Variants in PLEKHG7 observed in about 807,000 individuals in gnomAD.
The protein encoded by PLEKHG7 is pleckstrin homology and RhoGEF domain containing G7.
In PLEKHG7, 77 loss-of-function variants were observed where a neutral mutation model predicts 85.2. The observed-to-expected ratio is 0.90, with a 90% confidence interval of 0.75 to 1.09. The LOEUF (loss-of-function observed/expected upper bound fraction) is 1.09. PLEKHG7 is among the 50% of genes least tolerant of loss of function. PLEKHG7 has a pLI of 0.00. For synonymous variants in PLEKHG7, 301 were observed against 302.4 expected (o/e 1.00, Z 0.05); for missense variants, 777 against 804.3 (o/e 0.97, Z 0.41).
chr12:92,721,437 C>A (rs1592675262), intron 3 of PLEKHG7: 2 of 1,229,710 alleles, frequency 1.6e-6, no homozygotes, highest in East Asian at 6.3e-5. Context: ...AGGAGACGTT[C>A]TGGTACCAGA....
chr12:92,741,008 C>A, intron 8 of PLEKHG7, 60 bp downstream of exon 8: 2 of 1,244,552 alleles, frequency 1.6e-6, no homozygotes, highest in Non-Finnish European at 2.3e-6. Context: ...AAAATTCATG[C>A]TTGGTCTGTT....
intron 3 of PLEKHG7, chr12:92,721,576 G>GGGC: frequency 4.2e-6 from 2 of 477,016 alleles, no homozygotes; most frequent in Non-Finnish European, 6.3e-6. Context: ...TGGGGGTGGG[G>GGGC]AAAGCCAGTG....
chr12:92,738,947 G>C (rs1872265600), intron 7 of PLEKHG7, among the ~76,000 whole-genome samples: 1 of 152,308 alleles, frequency 6.6e-6, no homozygotes, highest in East Asian at 1.9e-4. Context: ...GCACGTAATA[G>C]AAAACTAGCT....
intron 4 of PLEKHG7, among the ~76,000 whole-genome samples, chr12:92,729,423 A>G (rs1324210497): frequency 6.7e-6 from 1 of 148,886 alleles, no homozygotes; most frequent in Non-Finnish European, 1.5e-5. Context: ...AGCATCCTAG[A>G]TCAGAGTGCC....
intron 4 of PLEKHG7, among the ~76,000 whole-genome samples, chr12:92,730,578 TG>T (rs1342170094): frequency 6.6e-6 from 1 of 152,190 alleles, no homozygotes; most frequent in Non-Finnish European, 1.5e-5. Context: ...CCACCACGCC[TG>T]GCTAATTTTT....
At chr12:92,708,396 A>G (rs909238385) in intron 3 of PLEKHG7, 1 of 152,252 alleles carries the variant, frequency 6.6e-6, no homozygotes, top group African/African-American at 2.4e-5. Flanking sequence ...AGTAAGGATA[A>G]CATCCATGTA....
At chr12:92,714,936 C>T (rs1213865806) in intron 3 of PLEKHG7, among the ~76,000 whole-genome samples, 1 of 152,086 alleles carries the variant, frequency 6.6e-6, no homozygotes, top group East Asian at 1.9e-4. Flanking sequence ...AGAACTCCAT[C>T]CTTAATACTC....
rs755910406 is a variant in PLEKHG7, at chr12:92,706,934, C to G, written c.303C>G (p.Pro101=). The change falls in exon 2 of 17, where the codon CCC becomes CCG. Residue 101 remains proline (P), a synonymous_variant. Transcript: ENST00000344636. The stretch of plus-strand genomic sequence containing the variant: ...AGGATTCTTCACACTTGCTGTCACC[C>G]TTGAGACTCCACTCAAGATTGACCT... ...SPKDSSHLLS[P]LRLHSRLTSE... The G allele has an allele frequency of 6.2e-6, 10 of 1,614,166 alleles. No homozygotes were observed. Among genetic ancestry groups the G allele is most frequent in the Non-Finnish European group, 8.5e-6 (10 of 1,180,012 alleles).
chr12:92,749,839 A>G (rs543882974), intron 10 of PLEKHG7: 47 of 150,718 alleles, frequency 3.1e-4, no homozygotes, highest in African/African-American at 9.7e-4. Flanking sequence ...TCCCACTAAG[A>G]CAAATTTATT....
In PLEKHG7 at chr12:92,742,294, T is replaced by C. The variant is rs557025235; in HGVS notation, c.1137+702T>C. Among the ~76,000 whole-genome samples, 5 of 152,236 alleles carry C rather than the reference T, an allele frequency of 3.3e-5. No individual in the cohort carries two copies. The East Asian group carries it at 7.7e-4, about 23-fold the overall frequency. On this transcript the variant is annotated intron_variant, in intron 9 of 16. Transcript: ENST00000344636. ...CTTGCTTTTAAGAAATTGTAAGTCT[T>C]GTAGGGGAGAAATTAATCCAATAAT...
intron 10 of PLEKHG7, among the ~76,000 whole-genome samples, chr12:92,746,169 A>G (rs962679111): frequency 6.6e-6 from 1 of 152,176 alleles, no homozygotes; most frequent in Non-Finnish European, 1.5e-5. Flanking sequence ...TGACTTCTCT[A>G]ATTCTGTTGG....
intron 9 of PLEKHG7, among the ~76,000 whole-genome samples, chr12:92,741,954 A>G (rs1436745907): frequency 6.6e-6 from 1 of 152,252 alleles, no homozygotes; most frequent in Non-Finnish European, 1.5e-5. Flanking sequence ...TCTCAGAAAG[A>G]AACAGAATAA....
chr12:92,757,125 G>A (rs1394966401), intron 13 of PLEKHG7, among the ~76,000 whole-genome samples: 1 of 152,230 alleles, frequency 6.6e-6, no homozygotes, highest in Admixed American at 6.5e-5. Context: ...CTGACTGCCT[G>A]GCTCACTCCC....
chr12:92,750,255 T>C (rs990400011), intron 10 of PLEKHG7, among the ~76,000 whole-genome samples: 1 of 152,074 alleles, frequency 6.6e-6, no homozygotes, highest in East Asian at 1.9e-4. Flanking sequence ...AAAGGCCTTT[T>C]ATGTCCAATC....
In PLEKHG7 at chr12:92,756,324, C is replaced by T; in HGVS notation, c.1569C>T (p.His523=). ...GTTTGAAACACATTTTTAAAGAACACATGGCAGAAAACATCTTGTCACCAA... is the reference window on the plus strand; with the variant it reads ...GTTTGAAACACATTTTTAAAGAACATATGGCAGAAAACATCTTGTCACCAA... The part of the protein sequence containing the change: ...PECLKHIFKE[H]MAENILSPTS... The change falls in exon 13 of 17, where the codon CAC becomes CAT. Residue 523 remains histidine, a synonymous_variant. Coordinates refer to ENST00000344636, the MANE Select transcript of PLEKHG7 (RefSeq NM_001377329.1). 6.2e-7 allele frequency: 1 copy of T among 1,611,860 alleles called. No individual in the cohort carries two copies. Among genetic ancestry groups the T allele is most frequent in the Non-Finnish European group, 8.5e-7 (1 of 1,178,012 alleles).
chr12:92,719,977 C>T (rs1483244049), intron 3 of PLEKHG7, among the ~76,000 whole-genome samples: 2 of 152,122 alleles, frequency 1.3e-5, no homozygotes, highest in Non-Finnish European at 2.9e-5. Context: ...AACGGTGGCC[C>T]GGGGAAGCGA....
chr12:92,746,328 T>A (rs1223409885), intron 10 of PLEKHG7, among the ~76,000 whole-genome samples: 1 of 152,214 alleles, frequency 6.6e-6, no homozygotes, highest in Non-Finnish European at 1.5e-5. Context: ...GAGCATGACC[T>A]CAGAGGCTTG....
intron 13 of PLEKHG7, among the ~76,000 whole-genome samples, chr12:92,759,906 A>G (rs569882665): frequency 6.6e-5 from 10 of 152,146 alleles, no homozygotes; most frequent in Admixed American, 1.3e-4. Context: ...AAGATAGTTT[A>G]TTTCTCTCTT....
chr12:92,755,812 T>C lies in PLEKHG7; in HGVS notation c.1427-13T>C, dbSNP rs1255939847. On this transcript the variant is annotated splice_polypyrimidine_tract_variant and intron_variant, in intron 11 of 16. Transcript: ENST00000344636. ...TGCACCTAAAAATATACTGACTATG[T>C]CATGTCTTTCAGGGGACCTTGAAGG... is the stretch of plus-strand genomic sequence containing the variant. 4.5e-6 allele frequency: 7 copies of C among 1,540,682 alleles called. No individual in the cohort carries two copies. Among genetic ancestry groups the C allele is most frequent in the East Asian group, 2.2e-5 (1 of 44,504 alleles).
Sources: allele counts gnomAD v4.1 joint callset (sites outside exome capture counted in the v4.1 genomes callset), GRCh38; gene constraint gnomAD v4.1.1; transcripts MANE v1.5; gene names NCBI Gene and HGNC (gene_info 2026-07-23, HGNC 2026-07-21).